Variants in SMOC2 observed in about 807,000 individuals in gnomAD.
SMOC2 encodes the protein SPARC-related modular calcium-binding protein 2.
Under a neutral mutation model 61.4 loss-of-function variants are expected in SMOC2, and 39 were observed. That is an observed-to-expected ratio of 0.64 (90% CI 0.49 to 0.83). The LOEUF is 0.83. Ranked by LOEUF, SMOC2 falls within the 40% of genes least tolerant of loss-of-function variation. The pLI, the probability that SMOC2 is intolerant of heterozygous loss-of-function variation, is 0.00. For synonymous variants in SMOC2, 247 were observed against 239.9 expected (o/e 1.03, Z -0.27); for missense variants, 556 against 592.9 (o/e 0.94, Z 0.65).
At chr6:168,460,555 C>T (rs1027094908) in intron 1 of SMOC2, among the ~76,000 whole-genome samples, 1 of 152,136 alleles carries the variant, frequency 6.6e-6, no homozygotes, top group South Asian at 2.1e-4. Flanking sequence ...TGGAGGTCTG[C>T]CCACCCAAAT....
intron 1 of SMOC2, among the ~76,000 whole-genome samples, chr6:168,461,790 G>A (rs997968627): frequency 2.6e-5 from 4 of 152,224 alleles, no homozygotes; most frequent in East Asian, 1.9e-4. Flanking sequence ...ACTCTATTAC[G>A]CCTAGTGGCA....
intron 9 of SMOC2, among the ~76,000 whole-genome samples, chr6:168,628,325 T>C (rs1474908510): frequency 6.6e-6 from 1 of 152,218 alleles, no homozygotes; most frequent in Non-Finnish European, 1.5e-5. Context: ...AACCGAGGGC[T>C]GGAGAACATC....
At chr6:168,660,203 G>T (rs1034025253) in intron 11 of SMOC2, among the ~76,000 whole-genome samples, 1 of 152,136 alleles carries the variant, frequency 6.6e-6, no homozygotes, top group African/African-American at 2.4e-5. Flanking sequence ...CTGGCCCATG[G>T]ATTGGGTTCT....
At chr6:168,510,204 C>T in intron 2 of SMOC2, 118 bp downstream of exon 2, 2 of 946,510 alleles carry the variant, frequency 2.1e-6, no homozygotes, top group Non-Finnish European at 3.1e-6. Flanking sequence ...TATGTTGGCT[C>T]TTTTTTTACA....
chr6:168,584,772 G>A (rs926738930), intron 7 of SMOC2, among the ~76,000 whole-genome samples: 24 of 151,874 alleles, frequency 1.6e-4, no homozygotes, highest in Admixed American at 7.2e-4. Flanking sequence ...GGAGAGCATC[G>A]ATGTAGAGTG....
intron 7 of SMOC2, among the ~76,000 whole-genome samples, chr6:168,550,847 AT>A (rs1784115180): frequency 6.6e-6 from 1 of 152,100 alleles, no homozygotes; most frequent in Non-Finnish European, 1.5e-5. Context: ...GTTTTGTTCA[AT>A]TTTGTCACCC....
At chr6:168,503,745 A>AT (rs1782794113) in intron 1 of SMOC2, among the ~76,000 whole-genome samples, 2 of 152,154 alleles carry the variant, frequency 1.3e-5, no homozygotes, top group African/African-American at 4.8e-5. Flanking sequence ...ATGCCGGCTC[A>AT]GTGTCCCGCA....
At chr6:168,492,802 C>A (rs1165079862) in intron 1 of SMOC2, among the ~76,000 whole-genome samples, 2 of 152,214 alleles carry the variant, frequency 1.3e-5, no homozygotes, top group African/African-American at 4.8e-5. Flanking sequence ...TCACTCTGAG[C>A]AAGACATTGC....
rs9456131 is a variant in SMOC2 at position 168,491,957 on chromosome 6, G to T, written c.85-17958G>T. 5.3e-4 allele frequency among the ~76,000 whole-genome samples: 80 copies of T among 152,100 alleles called. 1 individual carries two copies. The highest frequency in any genetic ancestry group is 9.3e-4 in the Non-Finnish European group (63 of 67,992). On this transcript the variant is annotated intron_variant, in intron 1 of 12. Coordinates refer to ENST00000356284, the MANE Select transcript of SMOC2 (RefSeq NM_001166412.2). ...TTTCGAGCCACCCACACATTCTCCC[G>T]CATTCTTCTTTTTGATACATTTCAT...
intron 9 of SMOC2, among the ~76,000 whole-genome samples, chr6:168,643,415 A>G (rs769988930): frequency 6.6e-6 from 1 of 152,058 alleles, no homozygotes; most frequent in South Asian, 2.1e-4. Context: ...CCCACTCGAC[A>G]CACCCTGGTA....
chr6:168,468,275 T>C (rs867402326), intron 1 of SMOC2, among the ~76,000 whole-genome samples: 4 of 152,162 alleles, frequency 2.6e-5, no homozygotes, highest in African/African-American at 9.7e-5. Context: ...AGGTGAGGAA[T>C]GTGTATGGTC....
chr6:168,519,011 G>C (rs1359685063), intron 2 of SMOC2, among the ~76,000 whole-genome samples: 2 of 131,710 alleles, frequency 1.5e-5, no homozygotes, highest in African/African-American at 2.6e-5. Context: ...GTGTGAGTAT[G>C]CGTGCATGCG....
intron 7 of SMOC2, among the ~76,000 whole-genome samples, chr6:168,582,168 G>A (rs1784934550): frequency 6.6e-6 from 1 of 152,198 alleles, no homozygotes; most frequent in African/African-American, 2.4e-5. Flanking sequence ...TCCCATGGAT[G>A]GGTTTTGGAG....
intron 2 of SMOC2, among the ~76,000 whole-genome samples, chr6:168,519,272 A>G (rs1369727221): frequency 6.6e-6 from 1 of 151,980 alleles, no homozygotes; most frequent in Non-Finnish European, 1.5e-5. Flanking sequence ...TGCATGTGTG[A>G]GTGAGCATTA....
At chr6:168,627,310 A>C (rs1183429137) in intron 9 of SMOC2, among the ~76,000 whole-genome samples, 1 of 152,198 alleles carries the variant, frequency 6.6e-6, no homozygotes, top group Admixed American at 6.5e-5. Context: ...GTTGAGATTT[A>C]GGTGAGTGCA....
chr6:168,535,930 A>G lies in SMOC2; in HGVS notation c.464-7695A>G, dbSNP rs541129084. Reference sequence around the variant, plus strand: ...ATGAGCAGTGACAGGGATCCTGGGGACACGTGAGGAATAACGCAGCAGCCA... The same window carrying G: ...ATGAGCAGTGACAGGGATCCTGGGGGCACGTGAGGAATAACGCAGCAGCCA... On this transcript the variant is annotated intron_variant, in intron 4 of 12. Transcript: ENST00000356284. The surrounding 1 kb of genome is among the most constrained non-coding windows in gnomAD (Gnocchi z 4.6). 6.6e-6 allele frequency among the ~76,000 whole-genome samples: 1 copy of G among 152,064 alleles called. No homozygotes were observed. The highest frequency in any genetic ancestry group is 2.1e-4 in the South Asian group (1 of 4,816).
At chr6:168,573,608 T>A (rs1267335727) in intron 7 of SMOC2, among the ~76,000 whole-genome samples, 1 of 152,060 alleles carries the variant, frequency 6.6e-6, no homozygotes, top group Non-Finnish European at 1.5e-5. Context: ...AGCGAGCGCC[T>A]GCGACAGGGC....
At chr6:168,602,657 C>T (rs9456232) in intron 8 of SMOC2, among the ~76,000 whole-genome samples, 2,289 of 152,036 alleles carry the variant, frequency 0.015, 83 homozygotes, top group Admixed American at 0.072. Flanking sequence ...GTGGCTAAGA[C>T]AGTCTTGGTT....
At chr6:168,552,560 T>A (rs988250506) in intron 7 of SMOC2, among the ~76,000 whole-genome samples, 1 of 152,208 alleles carries the variant, frequency 6.6e-6, no homozygotes, top group Non-Finnish European at 1.5e-5. Flanking sequence ...CCCGCAGACA[T>A]AGAATATGGT....
Sources: allele counts gnomAD v4.1 joint callset (sites outside exome capture counted in the v4.1 genomes callset), GRCh38; gene constraint gnomAD v4.1.1; non-coding constraint Gnocchi (gnomAD v3.1); transcripts MANE v1.5; gene names NCBI Gene and HGNC (gene_info 2026-07-23, HGNC 2026-07-21).